PPP1R2: variants seen among roughly 807,000 people sequenced by gnomAD.
PPP1R2 encodes the protein protein phosphatase inhibitor 2.
In PPP1R2, 16 loss-of-function variants were observed where a neutral mutation model predicts 29.9. The ratio of observed to expected loss-of-function variants is 0.53; its 90% confidence interval spans 0.36 to 0.81. The LOEUF (loss-of-function observed/expected upper bound fraction) is 0.81, where lower values mean the gene tolerates loss of function less well. Ranked by LOEUF, PPP1R2 falls within the 30% of genes least tolerant of loss-of-function variation. PPP1R2 has a pLI of 0.00. For synonymous variants in PPP1R2, 76 were observed against 91.5 expected, an observed-to-expected ratio of 0.83 and a Z score of 0.96; for missense variants, 197 against 252.7, an observed-to-expected ratio of 0.78 and a Z score of 1.49.
intron 4 of PPP1R2, among the ~76,000 whole-genome samples, chr3:195,521,314 C>CAA (rs869228346): frequency 0.054 from 3,036 of 56,470 alleles, 660 homozygotes; most frequent in African/African-American, 0.14. Context: ...GACTCTGTCT[C>CAA]AAAAAAAAAA....
chr3:195,539,270 T>C (rs750687905), intron 1 of PPP1R2, among the ~76,000 whole-genome samples: 5 of 152,242 alleles, frequency 3.3e-5, no homozygotes, highest in Non-Finnish European at 7.3e-5. Context: ...TGATCGAAGA[T>C]GACAGTGGTG....
chr3:195,532,036 GTC>G (rs1245932815), intron 1 of PPP1R2, among the ~76,000 whole-genome samples: 8 of 151,918 alleles, frequency 5.3e-5, no homozygotes, highest in South Asian at 2.1e-4. Context: ...GTGTCAGAAT[GTC>G]TCTCTTTTTT....
In PPP1R2 at chr3:195,516,364, T is replaced by G. The variant is rs558349705; in HGVS notation, c.*532A>C. 6.6e-6 allele frequency: 1 copy of G among 152,668 alleles called. No homozygotes were observed. Among genetic ancestry groups the G allele is most frequent in the East Asian group, 1.9e-4 (1 of 5,188 alleles). The allele number at this position is 152,668 out of a possible 1,614,324, so 9.5% of individuals were successfully genotyped here. ...CAACAGGAATTTTAAAAATAGTAGGTCAGAAAATGCAACAGTAACTCTTAT... is the reference window on the plus strand; with the variant it reads ...CAACAGGAATTTTAAAAATAGTAGGGCAGAAAATGCAACAGTAACTCTTAT... On this transcript the variant is annotated 3_prime_UTR_variant, in exon 6 of 6. Transcript: ENST00000618156.
chr3:195,527,095 A>AT (rs199811521), intron 2 of PPP1R2, among the ~76,000 whole-genome samples: 5 of 150,662 alleles, frequency 3.3e-5, no homozygotes, highest in Non-Finnish European at 5.9e-5. Context: ...ATTTGTTTTA[A>AT]TTTTTTTTGT....
rs565343170 is a variant in PPP1R2, at chr3:195,523,372, G to A, written c.403+320C>T. ...TCTTTCAGCTACCCACTTTAAGACCGTCCAAACGCTCAATGACTTGAAATG... is the reference window on the plus strand; with the variant it reads ...TCTTTCAGCTACCCACTTTAAGACCATCCAAACGCTCAATGACTTGAAATG... On this transcript the variant is annotated intron_variant, in intron 4 of 5. Coordinates refer to ENST00000618156, the MANE Select transcript of PPP1R2 (RefSeq NM_006241.8). 3.0e-4 allele frequency among the ~76,000 whole-genome samples: 45 copies of A among 152,288 alleles called. No individual in the cohort carries two copies. In the South Asian group the frequency reaches 8.5e-3, roughly 29 times the overall value.
chr3:195,538,235 A>G (rs1260542571), intron 1 of PPP1R2, among the ~76,000 whole-genome samples: 1 of 152,194 alleles, frequency 6.6e-6, no homozygotes, highest in Non-Finnish European at 1.5e-5. Flanking sequence ...TTACTTTGTT[A>G]GCTCATATGG....
intron 4 of PPP1R2, among the ~76,000 whole-genome samples, chr3:195,522,513 T>C (rs1037677762): frequency 6.6e-6 from 1 of 152,200 alleles, no homozygotes; most frequent in Non-Finnish European, 1.5e-5. Flanking sequence ...AACAAAAAAT[T>C]CCTTATTCTC....
At chr3:195,532,651 T>G (rs1719230421) in intron 1 of PPP1R2, among the ~76,000 whole-genome samples, 1 of 152,208 alleles carries the variant, frequency 6.6e-6, no homozygotes, top group East Asian at 1.9e-4. Flanking sequence ...TATTTATAGT[T>G]GACCCTTGAA....
intron 1 of PPP1R2, among the ~76,000 whole-genome samples, chr3:195,536,293 TAA>T (rs10645669): frequency 0.56 from 64,037 of 114,798 alleles, 17,616 homozygotes; most frequent in African/African-American, 0.64. Flanking sequence ...ACCCTGTCTT[TAA>T]AAAAAAAAAA....
intron 1 of PPP1R2, among the ~76,000 whole-genome samples, chr3:195,531,143 C>T (rs1196051339): frequency 1.3e-5 from 2 of 152,202 alleles, no homozygotes; most frequent in Non-Finnish European, 2.9e-5. Flanking sequence ...TTAGAAACAT[C>T]TGTTAAATTT....
intron 1 of PPP1R2, 99 bp downstream of exon 1, chr3:195,542,805 C>T: frequency 7.2e-7 from 1 of 1,393,864 alleles, no homozygotes; most frequent in Non-Finnish European, 9.5e-7. Flanking sequence ...CGAGCGGCAC[C>T]CGAGCCGCAT....
At chr3:195,534,390 TA>T (rs1719295694) in intron 1 of PPP1R2, among the ~76,000 whole-genome samples, 1 of 152,086 alleles carries the variant, frequency 6.6e-6, no homozygotes, top group Admixed American at 6.6e-5. Flanking sequence ...TTAATGAGAA[TA>T]AAAGTGCCTG....
intron 1 of PPP1R2, among the ~76,000 whole-genome samples, chr3:195,535,535 T>C (rs1719347598): frequency 6.6e-6 from 1 of 152,174 alleles, no homozygotes; most frequent in African/African-American, 2.4e-5. Context: ...TGTGGATTAT[T>C]TGGTGGGGGT....
rs748903224 is a variant in PPP1R2, at chr3:195,532,215, C to CTTTTTCT, written c.123-2315_123-2314insAGAAAAA. 2.4e-3 allele frequency among the ~76,000 whole-genome samples: 287 copies of CTTTTTCT among 120,178 alleles called. 3 individuals are homozygous for CTTTTTCT. Among genetic ancestry groups the CTTTTTCT allele is most frequent in the African/African-American group, 8.3e-3 (262 of 31,674 alleles). 78.8% of individuals were successfully genotyped at this position (120,178 alleles called of 152,430 possible). On this transcript the variant is annotated intron_variant, in intron 1 of 5. Coordinates refer to ENST00000618156, the MANE Select transcript of PPP1R2 (RefSeq NM_006241.8). ...CCAGCTAATTTTTCTTTTTCTTTTT[C>CTTTTTCT]TTTTTTTTTTTTTTTTTTTACAGGT...
intron 4 of PPP1R2, among the ~76,000 whole-genome samples, chr3:195,521,754 A>G (rs1718771418): frequency 6.6e-6 from 1 of 151,980 alleles, no homozygotes; most frequent in Admixed American, 6.6e-5. Context: ...AGGTTCAAGC[A>G]ATTCTTGTGC....
intron 1 of PPP1R2, among the ~76,000 whole-genome samples, chr3:195,532,442 T>A (rs1316357558): frequency 6.6e-6 from 1 of 152,142 alleles, no homozygotes; most frequent in East Asian, 1.9e-4. Context: ...CACACTCTTC[T>A]GGGACTGAAC....
At chr3:195,532,618 A>G (rs1332985977) in intron 1 of PPP1R2, among the ~76,000 whole-genome samples, 1 of 151,938 alleles carries the variant, frequency 6.6e-6, no homozygotes, top group Non-Finnish European at 1.5e-5. Flanking sequence ...AGAGAAGCCA[A>G]AAAAAAATCT....
intron 1 of PPP1R2, among the ~76,000 whole-genome samples, chr3:195,536,323 G>A (rs893528819): frequency 2.0e-5 from 3 of 150,586 alleles, no homozygotes; most frequent in African/African-American, 7.3e-5. Flanking sequence ...AAAAAGTGCT[G>A]GGATTATAGG....
chr3:195,533,130 T>C (rs1269954690), intron 1 of PPP1R2, among the ~76,000 whole-genome samples: 2 of 152,088 alleles, frequency 1.3e-5, no homozygotes, highest in African/African-American at 4.8e-5. Context: ...GTGGATCACT[T>C]GAGGTTAGGC....
Sources: allele counts gnomAD v4.1 joint callset (sites outside exome capture counted in the v4.1 genomes callset), GRCh38; gene constraint gnomAD v4.1.1; transcripts MANE v1.5; gene names NCBI Gene and HGNC (gene_info 2026-07-23, HGNC 2026-07-21).